NAALADL2: variants seen among roughly 807,000 people sequenced by gnomAD.
The protein encoded by NAALADL2 is N-acetylated alpha-linked acidic dipeptidase like 2, also known as inactive N-acetylated-alpha-linked acidic dipeptidase-like protein 2.
NAALADL2 carries 76 observed loss-of-function variants against 87.2 expected under a neutral mutation model. The observed-to-expected ratio is 0.87, with a 90% CI of 0.72 to 1.05. NAALADL2 has a LOEUF of 1.05. Ranked by LOEUF, NAALADL2 falls within the 50% of genes least tolerant of loss-of-function variation. NAALADL2 has a pLI of 0.00. For missense variants in NAALADL2, 1,089 were observed against 945.8 expected (o/e 1.15, Z -1.99); for synonymous variants, 354 against 331.0 (o/e 1.07, Z -0.75).
At chr3:174,932,495 A>G (rs992073794) in intron 1 of NAALADL2, among the ~76,000 whole-genome samples, 1 of 152,178 alleles carries the variant, frequency 6.6e-6, no homozygotes, top group Non-Finnish European at 1.5e-5. Flanking sequence ...CAGGTGAATG[A>G]AACAGCAAGC....
At chr3:175,096,692 A>G (rs1721218347) in intron 1 of NAALADL2, 98 bp from the exon 2 acceptor site, 1 of 653,422 alleles carries the variant, frequency 1.5e-6, no homozygotes, top group Non-Finnish European at 2.4e-6. Flanking sequence ...TATTATAATC[A>G]TTAAACACTC....
rs182268382 is a variant in NAALADL2 at position 174,987,019 on chromosome 3, C to A, written c.44-109771C>A. The stretch of plus-strand genomic sequence containing the variant: ...ACTTGATAATCTGGTTAAAAATTTA[C>A]AAACTAAATGCACTGCCCACTTCCC... On this transcript the variant is annotated intron_variant, in intron 1 of 13. Transcript: ENST00000454872. Among the ~76,000 whole-genome samples the A allele has an allele frequency of 3.2e-4, 49 of 152,250 alleles. No individual in the cohort carries two copies. In the East Asian group the frequency reaches 8.7e-3, roughly 27 times the overall value.
At chr3:175,125,033 C>G (rs1726736642) in intron 2 of NAALADL2, among the ~76,000 whole-genome samples, 1 of 151,806 alleles carries the variant, frequency 6.6e-6, no homozygotes, top group African/African-American at 2.4e-5. Flanking sequence ...TAGAGTAACA[C>G]TTTCTAATGG....
At chr3:175,539,957 A>C (rs1272723713) in intron 9 of NAALADL2, among the ~76,000 whole-genome samples, 4 of 152,210 alleles carry the variant, frequency 2.6e-5, no homozygotes, top group Admixed American at 6.5e-5. Context: ...AGCAAAAGGA[A>C]AAAAAGTACA....
chr3:174,968,955 TCATC>T (rs1426637492), intron 1 of NAALADL2, among the ~76,000 whole-genome samples: 1 of 152,172 alleles, frequency 6.6e-6, no homozygotes, highest in African/African-American at 2.4e-5. Flanking sequence ...TTCATCCGTA[TCATC>T]TAAAATAATC....
At chr3:174,810,713 G>A (rs999915306) in intron 3 of NAALADL2, among the ~76,000 whole-genome samples, 4 of 152,042 alleles carry the variant, frequency 2.6e-5, no homozygotes, top group East Asian at 1.9e-4. Flanking sequence ...CTCATTTTCC[G>A]GGTGGAGATT....
intron 1 of NAALADL2, among the ~76,000 whole-genome samples, chr3:174,508,360 G>A (rs140110976): frequency 0.012 from 1,845 of 152,118 alleles, 31 homozygotes; most frequent in African/African-American, 0.043. Context: ...TGATCCGCCC[G>A]TCTCGGCCTC....
intron 11 of NAALADL2, among the ~76,000 whole-genome samples, chr3:175,648,050 C>G (rs1488204358): frequency 6.6e-6 from 1 of 152,172 alleles, no homozygotes; most frequent in Admixed American, 6.6e-5. Flanking sequence ...CTGTCTCGTG[C>G]CAGCTTGTCA....
intron 1 of NAALADL2, among the ~76,000 whole-genome samples, chr3:175,075,211 A>G (rs2109185308): frequency 6.6e-6 from 1 of 152,286 alleles, no homozygotes; most frequent in East Asian, 1.9e-4. Context: ...TCAAACAGTC[A>G]CTGAACCTAA....
intron 5 of NAALADL2, among the ~76,000 whole-genome samples, chr3:175,423,028 A>AAAAAAAAAAAAATATAT (rs1438736874): frequency 9.0e-6 from 1 of 111,320 alleles, no homozygotes; most frequent in Non-Finnish European, 1.7e-5. Flanking sequence ...GAAAAAAAAA[A>AAAAAAAAAAAAATATAT]ATATATATAT....
At position 174,683,629 on chromosome 3, in the gene NAALADL2, G is replaced by GGT. The variant is rs10522220; in HGVS notation, c.-114-53975_-114-53974dup. Among the ~76,000 whole-genome samples, 519 of 147,036 alleles carry GGT rather than the reference G, an allele frequency of 3.5e-3. 1 individual carries two copies. The highest frequency in any genetic ancestry group is 3.5e-3 in the Middle Eastern group (1 of 284). On this transcript the variant is annotated intron_variant, in intron 2 of 3. Coordinates refer to the NAALADL2 transcript ENST00000434257. The stretch of plus-strand genomic sequence containing the variant: ...AGAGTAAGAAATTAACAGAACTTCT[G>GGT]GTGTGTGTGTGTGTGTGTGTGTGTG...
chr3:174,586,593 C>T (rs1716750803), intron 2 of NAALADL2, among the ~76,000 whole-genome samples: 1 of 152,190 alleles, frequency 6.6e-6, no homozygotes, highest in Non-Finnish European at 1.5e-5. Context: ...AGCACTTTCA[C>T]TTAACATCCT....
At chr3:174,953,629 T>G (rs1400415196) in intron 1 of NAALADL2, among the ~76,000 whole-genome samples, 1 of 151,836 alleles carries the variant, frequency 6.6e-6, no homozygotes, top group Admixed American at 6.6e-5. Context: ...TATACACAGA[T>G]AGTTGATGCA....
At chr3:174,578,745 C>T (rs895657446) in intron 2 of NAALADL2, among the ~76,000 whole-genome samples, 3 of 151,706 alleles carry the variant, frequency 2.0e-5, no homozygotes, top group African/African-American at 7.2e-5. Context: ...CTTTAACAGT[C>T]ATATAAAAAC....
chr3:175,773,471 G>A (rs1749777470), intron 13 of NAALADL2: 1 of 152,114 alleles, frequency 6.6e-6, no homozygotes, highest in Admixed American at 6.6e-5. Flanking sequence ...GGGACAGTCT[G>A]TTGGGCTTTG....
At chr3:175,319,892 T>C (rs1360608141) in intron 4 of NAALADL2, among the ~76,000 whole-genome samples, 2 of 152,176 alleles carry the variant, frequency 1.3e-5, no homozygotes, top group African/African-American at 2.4e-5. Context: ...TTAGCAATAC[T>C]CTTGAAAGCC....
intron 1 of NAALADL2, among the ~76,000 whole-genome samples, chr3:175,065,009 T>C (rs1467743147): frequency 6.6e-6 from 1 of 152,098 alleles, no homozygotes; most frequent in East Asian, 1.9e-4. Flanking sequence ...CAATTACATA[T>C]ATTAATAATA....
rs1449733240 is a variant in NAALADL2, at chr3:175,790,075, TACTAGGATTGGCTA to T, written c.2190-12926_2190-12913del. Among the ~76,000 whole-genome samples, 6 of 152,228 alleles carry T rather than the reference TACTAGGATTGGCTA, an allele frequency of 3.9e-5. No homozygotes were observed. The East Asian group carries it at 1.2e-3, about 29-fold the overall frequency. Reference sequence around the variant, plus strand: ...TTAGAATACAAAATTTCAAAATACTTACTAGGATTGGCTAACTTAATTACCAACACCAAGTAATT... The same window carrying T: ...TTAGAATACAAAATTTCAAAATACTTACTTAATTACCAACACCAAGTAATT... On this transcript the variant is annotated intron_variant, in intron 13 of 13. Transcript: ENST00000454872.
chr3:174,794,197 A>T (rs1717800015), intron 3 of NAALADL2, among the ~76,000 whole-genome samples: 1 of 152,124 alleles, frequency 6.6e-6, no homozygotes, highest in South Asian at 2.1e-4. Flanking sequence ...GTTTAATAAC[A>T]GGTTCGATTC....
Sources: gnomAD v4.1 joint callset for allele counts (sites outside exome capture counted in the v4.1 genomes callset) on GRCh38, gnomAD v4.1.1 for gene constraint, MANE v1.5 for transcripts, NCBI Gene and HGNC (gene_info 2026-07-23, HGNC 2026-07-21) for gene names.